ASAP1: variants seen among roughly 807,000 people sequenced by gnomAD.
ASAP1 encodes ArfGAP with SH3 domain, ankyrin repeat and PH domain 1.
Under a neutral mutation model 145.2 loss-of-function variants are expected in ASAP1, and 43 were observed. The ratio of observed to expected loss-of-function variants is 0.30; its 90% confidence interval spans 0.23 to 0.38. The LOEUF (loss-of-function observed/expected upper bound fraction) is 0.38. Ranked by LOEUF, ASAP1 falls within the 10% of genes least tolerant of loss-of-function variation. The pLI, the probability that ASAP1 is intolerant of heterozygous loss-of-function variation, is 1.00. For synonymous variants in ASAP1, 546 were observed against 515.5 expected (o/e 1.06, Z -0.80); for missense variants, 1,018 against 1,355.3 (o/e 0.75, Z 3.91).
At position 130,128,077 on chromosome 8, in the gene ASAP1, A is replaced by G. The variant is rs373540496; in HGVS notation, c.1231T>C (p.Leu411=). The change falls in exon 16 of 30, where the codon TTG becomes CTG. Residue 411 remains leucine, a synonymous_variant. Coordinates refer to ENST00000518721, the MANE Select transcript of ASAP1 (RefSeq NM_018482.4). ...AGGGCCTCTTCTTTGCTATTTGTCA[A>G]TACTGATATCCATCTGTTGGTAAAA... ...EQDYVAWISV[L]TNSKEEALTM... 5.0e-6 allele frequency: 8 copies of G among 1,586,002 alleles called. No homozygotes were observed. The highest frequency in any genetic ancestry group is 6.8e-6 in the Non-Finnish European group (8 of 1,168,140).
intron 3 of ASAP1, among the ~76,000 whole-genome samples, chr8:130,284,498 T>C (rs1821473405): frequency 1.3e-5 from 2 of 151,958 alleles, no homozygotes; most frequent in African/African-American, 2.4e-5. Context: ...CAGGGGAAAG[T>C]GAGCTATGAG....
Position 130,186,710 on chromosome 8 carries a change from C to G in ASAP1, c.530+526G>C, listed in dbSNP as rs75308188. On this transcript the variant is annotated intron_variant, in intron 7 of 29. Transcript: ENST00000518721. The stretch of plus-strand genomic sequence containing the variant: ...GCTGGACACATAACTAGCTTTCTAG[C>G]CTTTCATGAGCCCCTTAGCCTCTCC... Among the ~76,000 whole-genome samples, 245 of 152,234 alleles carry G rather than the reference C, an allele frequency of 1.6e-3. 1 individual carries two copies. Among genetic ancestry groups the G allele is most frequent in the East Asian group, 9.6e-3 (50 of 5,184 alleles).
At chr8:130,162,392 A>G (rs1565035711) in intron 11 of ASAP1, among the ~76,000 whole-genome samples, 1 of 152,214 alleles carries the variant, frequency 6.6e-6, no homozygotes, top group Non-Finnish European at 1.5e-5. Context: ...GAACTGAGGC[A>G]TGAGACAAAG....
chr8:130,374,861 G>A (rs1240661496), intron 2 of ASAP1, among the ~76,000 whole-genome samples: 1 of 152,216 alleles, frequency 6.6e-6, no homozygotes, highest in Admixed American at 6.5e-5. Context: ...CTTAAGGATA[G>A]TGGTGTCGCT....
At chr8:130,162,817 C>CAA (rs202186430) in intron 11 of ASAP1, among the ~76,000 whole-genome samples, 8,937 of 123,042 alleles carry the variant, frequency 0.073, 316 homozygotes, top group Middle Eastern at 0.12. Flanking sequence ...GACTCCGTCT[C>CAA]AAAAAAAAAA....
chr8:130,351,503 T>C (rs931174493), intron 3 of ASAP1, among the ~76,000 whole-genome samples: 2 of 152,106 alleles, frequency 1.3e-5, no homozygotes, highest in African/African-American at 4.8e-5. Flanking sequence ...ACTGGGTAAT[T>C]TATAAAGAAA....
At chr8:130,132,926 G>T (rs2097585344) in intron 15 of ASAP1, among the ~76,000 whole-genome samples, 1 of 152,084 alleles carries the variant, frequency 6.6e-6, no homozygotes. Context: ...AATGGGAAAA[G>T]AGTAAAATTC....
chr8:130,095,622 C>CT (rs141561036), intron 24 of ASAP1, among the ~76,000 whole-genome samples: 6,727 of 129,894 alleles, frequency 0.052, 274 homozygotes, highest in African/African-American at 0.12. Flanking sequence ...ATTCTTTTGT[C>CT]TTTTTTTTTT....
chr8:130,314,922 G>C (rs1048023991), intron 3 of ASAP1, among the ~76,000 whole-genome samples: 1 of 152,176 alleles, frequency 6.6e-6, no homozygotes, highest in Non-Finnish European at 1.5e-5. Flanking sequence ...GAGAGAGAGA[G>C]AAAAAGTGGG....
intron 3 of ASAP1, among the ~76,000 whole-genome samples, chr8:130,296,521 T>G (rs1424854804): frequency 6.6e-6 from 1 of 151,864 alleles, no homozygotes. Context: ...TTTTTTTTTT[T>G]TTTTCCCATT....
chr8:130,261,801 G>A (rs893653791), intron 3 of ASAP1, among the ~76,000 whole-genome samples: 1 of 152,000 alleles, frequency 6.6e-6, no homozygotes, highest in African/African-American at 2.4e-5. Context: ...AGATTCTGAA[G>A]GAGTTAGGAT....
At chr8:130,372,637 G>A (rs1827263846) in intron 2 of ASAP1, among the ~76,000 whole-genome samples, 1 of 152,186 alleles carries the variant, frequency 6.6e-6, no homozygotes, top group African/African-American at 2.4e-5. Flanking sequence ...AACATTTGCA[G>A]GAAGAAAAGA....
At chr8:130,406,205 G>A (rs12681664) in intron 1 of ASAP1, among the ~76,000 whole-genome samples, 29,187 of 152,016 alleles carry the variant, frequency 0.19, 3,029 homozygotes, top group Non-Finnish European at 0.23. Context: ...TAAAGACAGA[G>A]CAAAGAACAA....
chr8:130,430,740 T>C (rs1830107188), intron 1 of ASAP1, among the ~76,000 whole-genome samples: 1 of 151,900 alleles, frequency 6.6e-6, no homozygotes, highest in Non-Finnish European at 1.5e-5. Flanking sequence ...CTGCAGACAC[T>C]GGGAAGGTGT....
chr8:130,124,892 C>A (rs971705323), intron 17 of ASAP1, among the ~76,000 whole-genome samples: 1 of 152,168 alleles, frequency 6.6e-6, no homozygotes, highest in Non-Finnish European at 1.5e-5. Context: ...GGTAATAGGT[C>A]TGTGTCTTTT....
At chr8:130,253,910 A>T (rs1359941649) in intron 3 of ASAP1, among the ~76,000 whole-genome samples, 1 of 152,128 alleles carries the variant, frequency 6.6e-6, no homozygotes, top group African/African-American at 2.4e-5. Flanking sequence ...AATCCCAGCT[A>T]CTCAGGAGGC....
At chr8:130,069,990 G>A (rs1286470954) in intron 27 of ASAP1, among the ~76,000 whole-genome samples, 3 of 152,188 alleles carry the variant, frequency 2.0e-5, no homozygotes, top group Non-Finnish European at 4.4e-5. Context: ...TTGATAGGAT[G>A]ATGAAAGTTG....
chr8:130,159,654 A>T (rs1471928531), intron 12 of ASAP1, among the ~76,000 whole-genome samples: 1 of 152,102 alleles, frequency 6.6e-6, no homozygotes, highest in Non-Finnish European at 1.5e-5. Context: ...GCACGTTACA[A>T]GACAGAAGTG....
At chr8:130,197,225 C>T (rs905442800) in intron 5 of ASAP1, among the ~76,000 whole-genome samples, 4 of 152,216 alleles carry the variant, frequency 2.6e-5, no homozygotes, top group South Asian at 2.1e-4. Context: ...TTCAGGAGTT[C>T]GAGACCCGCC....
Sources: gnomAD v4.1 joint callset for allele counts (sites outside exome capture counted in the v4.1 genomes callset) on GRCh38, gnomAD v4.1.1 for gene constraint, MANE v1.5 for transcripts, NCBI Gene and HGNC (gene_info 2026-07-23, HGNC 2026-07-21) for gene names.